Variants in YES1 observed in about 807,000 individuals in gnomAD.
The protein encoded by YES1 is YES proto-oncogene 1, Src family tyrosine kinase.
Under a neutral mutation model 70.4 loss-of-function variants are expected in YES1, and 39 were observed. The observed-to-expected ratio is 0.55, with a 90% CI of 0.43 to 0.72. The LOEUF (loss-of-function observed/expected upper bound fraction) is 0.72, where lower values mean the gene tolerates loss of function less well. Among genes scored for constraint, YES1 ranks in the 30% least tolerant of loss-of-function variants. The pLI is 0.00. For missense variants in YES1, 495 were observed against 644.8 expected (o/e 0.77, Z 2.52); for synonymous variants, 198 against 218.6 (o/e 0.91, Z 0.83).
At chr18:748,113 T>C in intron 3 of YES1, 95 bp from the exon 4 acceptor site, 1 of 935,086 alleles carries the variant, frequency 1.1e-6, no homozygotes, top group Non-Finnish European at 1.6e-6. Context: ...AAACAAAGGG[T>C]ATTACTTTCA....
rs115329060 is a variant in YES1, at chr18:805,952, T to C, written c.-9+6162A>G. Among the ~76,000 whole-genome samples, 685 of 152,314 alleles carry C rather than the reference T, an allele frequency of 4.5e-3. 4 individuals are homozygous for C. Among genetic ancestry groups the C allele is most frequent in the African/African-American group, 0.016 (654 of 41,574 alleles). The stretch of plus-strand genomic sequence containing the variant: ...CCTAGAATCCACATTTTGCTGGGAA[T>C]AGAGGCTGAAAACCAGACAATCTTG... On this transcript the variant is annotated intron_variant, in intron 1 of 11. Coordinates refer to ENST00000314574, the MANE Select transcript of YES1 (RefSeq NM_005433.4).
intron 8 of YES1, among the ~76,000 whole-genome samples, chr18:742,453 T>A (rs1475188891): frequency 5.7e-5 from 6 of 105,414 alleles, no homozygotes; most frequent in African/African-American, 2.1e-4. Flanking sequence ...GACCCCAGTC[T>A]CTATTTAAAA....
chr18:735,195 A>C (rs1172597547), intron 10 of YES1, among the ~76,000 whole-genome samples: 1 of 151,820 alleles, frequency 6.6e-6, no homozygotes, highest in Non-Finnish European at 1.5e-5. Flanking sequence ...AAAAAGATAC[A>C]TCCACAAATG....
intron 11 of YES1, among the ~76,000 whole-genome samples, chr18:731,318 C>T (rs62091708): frequency 0.1 from 15,141 of 152,134 alleles, 932 homozygotes; most frequent in East Asian, 0.27. Context: ...ATTAAGATGA[C>T]AATGAGTTAA....
At chr18:809,980 A>G (rs139397085) in intron 1 of YES1, among the ~76,000 whole-genome samples, 171 of 144,854 alleles carry the variant, frequency 1.2e-3, no homozygotes, top group African/African-American at 1.7e-3. Flanking sequence ...CTATGCTTCT[A>G]TTTTTACGTT....
intron 2 of YES1, among the ~76,000 whole-genome samples, chr18:752,905 T>A (rs946895768): frequency 6.6e-6 from 1 of 152,190 alleles, no homozygotes; most frequent in Non-Finnish European, 1.5e-5. Context: ...ATTATGCCAC[T>A]GCACTGTAGC....
At chr18:727,465 T>C (rs371858197) in intron 11 of YES1, among the ~76,000 whole-genome samples, 9 of 152,214 alleles carry the variant, frequency 5.9e-5, no homozygotes, top group Non-Finnish European at 1.3e-4. Context: ...ATTATGGATG[T>C]AGTTGGGTTT....
Position 785,053 on chromosome 18 carries a change from T to C in YES1, c.-9+27061A>G, listed in dbSNP as rs150269292. ...CAGTATGCTTCCATACTAAGCAACA[T>C]AACTGTTAAATTAGGAGGATCATGA... On this transcript the variant is annotated intron_variant, in intron 1 of 11. Coordinates refer to ENST00000314574, the MANE Select transcript of YES1 (RefSeq NM_005433.4). 2.8e-3 allele frequency among the ~76,000 whole-genome samples: 429 copies of C among 152,266 alleles called. 3 individuals are homozygous for C. Among genetic ancestry groups the C allele is most frequent in the Non-Finnish European group, 4.1e-3 (281 of 68,022 alleles).
At chr18:778,366 GCTC>G (rs1234168341) in intron 1 of YES1, among the ~76,000 whole-genome samples, 2 of 152,172 alleles carry the variant, frequency 1.3e-5, no homozygotes, top group African/African-American at 4.8e-5. Flanking sequence ...CAAATCCACT[GCTC>G]AACCTATGGC....
intron 1 of YES1, among the ~76,000 whole-genome samples, chr18:775,856 TTCAC>T (rs1905354555): frequency 6.6e-6 from 1 of 152,164 alleles, no homozygotes; most frequent in Non-Finnish European, 1.5e-5. Flanking sequence ...TTTGACCTCT[TTCAC>T]TTAACGATGC....
At chr18:757,307 T>G (rs187796473) in intron 1 of YES1, among the ~76,000 whole-genome samples, 7 of 150,610 alleles carry the variant, frequency 4.6e-5, no homozygotes, top group South Asian at 2.1e-4. Context: ...ATTGAGACCA[T>G]CCTGGCTAAC....
intron 2 of YES1, among the ~76,000 whole-genome samples, chr18:754,485 T>G (rs937241330): frequency 6.6e-6 from 1 of 152,026 alleles, no homozygotes; most frequent in African/African-American, 2.4e-5. Flanking sequence ...GGCAGGCACA[T>G]CCCCTAAATC....
intron 10 of YES1, among the ~76,000 whole-genome samples, chr18:734,870 GA>G (rs2080133807): frequency 6.6e-6 from 1 of 152,102 alleles, no homozygotes; most frequent in Non-Finnish European, 1.5e-5. Context: ...CAAAGGAAAT[GA>G]AATCAGCCAG....
intron 1 of YES1, chr18:787,990 G>A (rs921685071): frequency 6.6e-6 from 1 of 152,110 alleles, no homozygotes; most frequent in Non-Finnish European, 1.5e-5. Flanking sequence ...ATCAACGCTG[G>A]GAGACAGGAA....
Position 794,721 on chromosome 18 carries a change from G to A in YES1, c.-9+17393C>T, listed in dbSNP as rs547119840. Among the ~76,000 whole-genome samples the A allele has an allele frequency of 3.3e-4, 51 of 152,264 alleles. 1 individual carries two copies. In the South Asian group the frequency reaches 0.01, roughly 30 times the overall value. On this transcript the variant is annotated intron_variant, in intron 1 of 11. Transcript: ENST00000314574. ...CTGATGGTAGCTGGCAATCCTTCGT[G>A]CTCCTGGCTTACAGGTGCATCCCAC...
intron 1 of YES1, among the ~76,000 whole-genome samples, chr18:799,123 G>A (rs1906691081): frequency 2.0e-5 from 3 of 152,054 alleles, no homozygotes; most frequent in African/African-American, 7.2e-5. Flanking sequence ...AGATACCATC[G>A]ATGCCCATAC....
intron 1 of YES1, among the ~76,000 whole-genome samples, chr18:808,673 T>C (rs1907221253): frequency 6.6e-6 from 1 of 152,212 alleles, no homozygotes; most frequent in Non-Finnish European, 1.5e-5. Flanking sequence ...TGAAAGTTCC[T>C]GTGATATAAA....
Position 788,771 on chromosome 18 carries a change from T to A in YES1, c.-9+23343A>T, listed in dbSNP as rs191439843. ...CCTGTCTCTACTAAAAATATTTTTT[T>A]AAAAATTAGCCAGACATGGTGGTGT... On this transcript the variant is annotated intron_variant, in intron 1 of 11. Transcript: ENST00000314574. Among the ~76,000 whole-genome samples, 386 of 152,250 alleles carry A rather than the reference T, an allele frequency of 2.5e-3. 3 individuals carry two copies. The highest frequency in any genetic ancestry group is 0.025 in the East Asian group (131 of 5,182).
At chr18:781,823 T>C (rs1905685606) in intron 1 of YES1, among the ~76,000 whole-genome samples, 1 of 152,158 alleles carries the variant, frequency 6.6e-6, no homozygotes, top group Non-Finnish European at 1.5e-5. Flanking sequence ...ACTGATATCA[T>C]ATGCAAAGCA....
Sources: gnomAD v4.1 joint callset for allele counts (sites outside exome capture counted in the v4.1 genomes callset) on GRCh38, gnomAD v4.1.1 for gene constraint, MANE v1.5 for transcripts, NCBI Gene and HGNC (gene_info 2026-07-23, HGNC 2026-07-21) for gene names.